The following C15orf40 variants were observed in gnomAD, a reference collection of about 807,000 sequenced individuals.
The protein encoded by C15orf40 is chromosome 15 open reading frame 40.
C15orf40 carries 9 observed loss-of-function variants against 13.9 expected under a neutral mutation model. That is an observed-to-expected ratio of 0.65 (90% CI 0.39 to 1.13). The LOEUF (loss-of-function observed/expected upper bound fraction) is 1.13. C15orf40 is among the 50% of genes most tolerant of loss of function. The pLI is 0.01. For synonymous variants in C15orf40, 95 were observed against 69.2 expected, an observed-to-expected ratio of 1.37 and a Z score of -1.85; for missense variants, 225 against 188.5, an observed-to-expected ratio of 1.19 and a Z score of -1.13.
downstream of C15orf40, among the ~76,000 whole-genome samples, chr15:82,989,628 A>T (rs2030772511): frequency 6.6e-6 from 1 of 152,232 alleles, no homozygotes. Context: ...ATTTCACTTT[A>T]ATTTGGAACT....
chr15:82,992,136 A>T (rs117256957), downstream of C15orf40: 4,408 of 369,104 alleles, frequency 0.012, 24 homozygotes, highest in Non-Finnish European at 0.017. Context: ...GGCTCCCTTG[A>T]GTCCGGGAAG....
Position 82,998,973 on chromosome 15 carries a change from G to C in C15orf40, c.*6624C>G, listed in dbSNP as rs1041751586. 1.3e-5 allele frequency: 2 copies of C among 159,534 alleles called. No homozygotes were observed. The highest frequency in any genetic ancestry group is 5.0e-5 in the African/African-American group (2 of 40,378). 9.9% of individuals were successfully genotyped at this position (159,534 alleles called of 1,614,324 possible). On this transcript the variant is annotated 3_prime_UTR_variant, in exon 4 of 4. Transcript: ENST00000304177. ...CACTCGTGGTTAGGGGCTGGAGACCGGCCCGGCCAACACAGCGAAACCCCG... is the reference window on the plus strand; with the variant it reads ...CACTCGTGGTTAGGGGCTGGAGACCCGCCCGGCCAACACAGCGAAACCCCG...
Position 82,996,579 on chromosome 15 carries a change from C to T in C15orf40, c.*9018G>A, listed in dbSNP as rs1183655573. ...AATGGCGTGAACCCAGGACGCAGAA[C>T]TTGCAGTAGGCCGAGACTGCGACAC... On this transcript the variant is annotated 3_prime_UTR_variant, in exon 4 of 4. Coordinates refer to ENST00000304177, the MANE Select transcript of C15orf40 (RefSeq NM_144597.3). 6.6e-6 allele frequency: 1 copy of T among 151,976 alleles called. No homozygotes were observed. Among genetic ancestry groups the T allele is most frequent in the Non-Finnish European group, 1.5e-5 (1 of 67,998 alleles). The allele number at this position is 151,976 out of a possible 1,614,324, so 9.4% of individuals were successfully genotyped here.
At chr15:82,993,310 T>A (rs2030934007), downstream of C15orf40, among the ~76,000 whole-genome samples, 1 of 152,148 alleles carries the variant, frequency 6.6e-6, no homozygotes, top group Non-Finnish European at 1.5e-5. Context: ...AGGGAAGTAT[T>A]TGGTAAATTG....
chr15:83,006,820 T>G (rs1448418198), intron 3 of C15orf40, among the ~76,000 whole-genome samples: 1 of 152,020 alleles, frequency 6.6e-6, no homozygotes, highest in Non-Finnish European at 1.5e-5. Flanking sequence ...GAAGATAAAA[T>G]TTGAGAAGGG....
Position 82,997,187 on chromosome 15 carries a change from G to A in C15orf40, c.*8410C>T, listed in dbSNP as rs1440927203. On this transcript the variant is annotated 3_prime_UTR_variant, in exon 4 of 4. Transcript: ENST00000304177. ...CCAACATGGTCTTTATTTCTATTAT[G>A]CTTTTGTTTTTCATTTTTATTTATT... 2 of 148,044 alleles carry A rather than the reference G, an allele frequency of 1.4e-5. No homozygotes were observed. The highest frequency in any genetic ancestry group is 1.3e-4 in the Admixed American group (2 of 14,832). 9.2% of individuals were successfully genotyped at this position (148,044 alleles called of 1,614,324 possible). A position where few individuals can be genotyped will look rare whatever the true frequency, so the allele number is the denominator to read the frequency against.
At position 82,995,988 on chromosome 15, in the gene C15orf40, G is replaced by C. The variant is rs1261298881; in HGVS notation, c.*9609C>G. ...ATAATTTTCACCAGTGTCTTCATGG[G>C]CTGATGGGCTGATTTCAGTTGTTTT... On this transcript the variant is annotated 3_prime_UTR_variant, in exon 4 of 4. Transcript: ENST00000304177. The C allele has an allele frequency of 1.3e-5, 2 of 152,264 alleles. No individual in the cohort carries two copies. Among genetic ancestry groups the C allele is most frequent in the Non-Finnish European group, 2.9e-5 (2 of 68,078 alleles). 9.4% of individuals were successfully genotyped at this position (152,264 alleles called of 1,614,324 possible).
Position 83,004,166 on chromosome 15 carries a change from G to T in C15orf40, c.*1431C>A, listed in dbSNP as rs1047519049. 3 of 164,410 alleles carry T rather than the reference G, an allele frequency of 1.8e-5. No homozygotes were observed. Among genetic ancestry groups the T allele is most frequent in the Non-Finnish European group, 3.8e-5 (3 of 79,314 alleles). 10.2% of individuals were successfully genotyped at this position (164,410 alleles called of 1,614,324 possible). A position where few individuals can be genotyped will look rare whatever the true frequency, so the allele number is the denominator to read the frequency against. On this transcript the variant is annotated 3_prime_UTR_variant, in exon 4 of 4. Coordinates refer to ENST00000304177, the MANE Select transcript of C15orf40 (RefSeq NM_144597.3). Reference sequence around the variant, plus strand: ...AAAGAAAGAGACAGAGACAGATACAGGGTCTCACTTCGTTGCCCAGGCTGG... The same window carrying T: ...AAAGAAAGAGACAGAGACAGATACATGGTCTCACTTCGTTGCCCAGGCTGG...
rs1289049346 is a variant in C15orf40 at position 82,995,944 on chromosome 15, T to C, written c.*9653A>G. The stretch of plus-strand genomic sequence containing the variant: ...GTGAGTTATCTGTGGGCTGCTTAGG[T>C]GCAAGAAGGACAAGTCGCATAATTT... On this transcript the variant is annotated 3_prime_UTR_variant, in exon 4 of 4. Transcript: ENST00000304177. 1 of 152,324 alleles carries C rather than the reference T, an allele frequency of 6.6e-6. No individual in the cohort carries two copies. The highest frequency in any genetic ancestry group is 1.5e-5 in the Non-Finnish European group (1 of 68,112). 9.4% of individuals were successfully genotyped at this position (152,324 alleles called of 1,614,324 possible).
At position 83,008,677 on chromosome 15, in the gene C15orf40, T is replaced by C; in HGVS notation, c.239-2A>G. 1 of 1,600,726 alleles carries C rather than the reference T, an allele frequency of 6.2e-7. No homozygotes were observed. Among genetic ancestry groups the C allele is most frequent in the Non-Finnish European group, 8.5e-7 (1 of 1,175,280 alleles). The stretch of plus-strand genomic sequence containing the variant: ...CATTTACAGCCTCTGCTGTCAAATC[T>C]GGAATGAAAATAGTGTGGACTTTAT... On this transcript the variant is annotated splice_acceptor_variant, in intron 2 of 3. Coordinates refer to ENST00000304177, the MANE Select transcript of C15orf40 (RefSeq NM_144597.3). LOFTEE classifies it high-confidence loss of function.
In C15orf40 at chr15:83,004,742, T is replaced by G; in HGVS notation, c.*855A>C. The G allele has an allele frequency of 2.0e-6, 2 of 1,009,738 alleles. No homozygotes were observed. Among genetic ancestry groups the G allele is most frequent in the South Asian group, 8.1e-5 (2 of 24,676 alleles). The allele number at this position is 1,009,738 out of a possible 1,614,324, so 62.5% of individuals were successfully genotyped here. A position where few individuals can be genotyped will look rare whatever the true frequency, so the allele number is the denominator to read the frequency against. Reference sequence around the variant, plus strand: ...TTAAAAGATGTAAAAAAAAAATTTTTTTTACATTTAAATAAGCATTTAAAA... The same window carrying G: ...TTAAAAGATGTAAAAAAAAAATTTTGTTTACATTTAAATAAGCATTTAAAA... On this transcript the variant is annotated 3_prime_UTR_variant, in exon 4 of 4. Coordinates refer to ENST00000304177, the MANE Select transcript of C15orf40 (RefSeq NM_144597.3).
At chr15:83,007,667 G>C (rs1207398604) in intron 3 of C15orf40, among the ~76,000 whole-genome samples, 1 of 151,592 alleles carries the variant, frequency 6.6e-6, no homozygotes, top group Non-Finnish European at 1.5e-5. Flanking sequence ...GAGGTGGGCA[G>C]ATCAGTTGAG....
At chr15:83,010,178 G>A in intron 2 of C15orf40, 59 bp downstream of exon 2, 1 of 1,599,256 alleles carries the variant, frequency 6.3e-7, no homozygotes, top group Non-Finnish European at 8.5e-7. Flanking sequence ...CCAAAGCAAA[G>A]GAGGGCTGTA....
downstream of C15orf40, chr15:82,991,824 G>GTTATATA (rs2151272398): frequency 8.4e-7 from 1 of 1,195,980 alleles, no homozygotes; most frequent in East Asian, 5.7e-5. Context: ...AGCCAGTGCT[G>GTTATATA]TTATATAAAG....
At chr15:83,011,401 A>G (rs1188306046) in intron 1 of C15orf40, 96 bp downstream of exon 1, 1 of 1,319,486 alleles carries the variant, frequency 7.6e-7, no homozygotes, top group Non-Finnish European at 1.0e-6. Flanking sequence ...AGCCGCTGGC[A>G]GTGCCTCCAC....
chr15:82,994,492 ACTT>A (rs557830245), downstream of C15orf40, among the ~76,000 whole-genome samples: 4 of 152,164 alleles, frequency 2.6e-5, no homozygotes, highest in Non-Finnish European at 5.9e-5. Flanking sequence ...TAGACTGTTG[ACTT>A]CTTCTAATTA....
At chr15:83,007,236 C>T (rs1036620091) in intron 3 of C15orf40, among the ~76,000 whole-genome samples, 1 of 152,188 alleles carries the variant, frequency 6.6e-6, no homozygotes, top group African/African-American at 2.4e-5. Context: ...TCCTAGCAAG[C>T]AAGGACAAAG....
rs188143661 is a variant in C15orf40 at position 83,007,678 on chromosome 15, G to A, written c.366+870C>T. 1.8e-4 allele frequency among the ~76,000 whole-genome samples: 27 copies of A among 152,128 alleles called. No individual in the cohort carries two copies. In the East Asian group the frequency reaches 5.0e-3, roughly 28 times the overall value. On this transcript the variant is annotated intron_variant, in intron 3 of 3. Coordinates refer to ENST00000304177, the MANE Select transcript of C15orf40 (RefSeq NM_144597.3). ...GGCTGAGGTGGGCAGATCAGTTGAG[G>A]TCAGGAGTTCAAGACCAGCCTGGCC...
chr15:83,010,409 C>T, intron 1 of C15orf40, 46 bp from the exon 2 acceptor site: 1 of 1,609,008 alleles, frequency 6.2e-7, no homozygotes, highest in Non-Finnish European at 8.5e-7. Flanking sequence ...AATATTTTCC[C>T]ACACATTTAA....
Sources: gnomAD v4.1 joint callset for allele counts (sites outside exome capture counted in the v4.1 genomes callset) on GRCh38, gnomAD v4.1.1 for gene constraint, MANE v1.5 for transcripts, NCBI Gene and HGNC (gene_info 2026-07-23, HGNC 2026-07-21) for gene names.